GON4L: variants seen among roughly 807,000 people sequenced by gnomAD.
GON4L encodes the protein gon-4 like, also known as GON-4-like protein.
In GON4L, 87 loss-of-function variants were observed where a neutral mutation model predicts 211.8. That is an observed-to-expected ratio of 0.41 (90% confidence interval 0.35 to 0.49). GON4L has a LOEUF of 0.49. Ranked by LOEUF, GON4L falls within the 20% of genes least tolerant of loss-of-function variation. The probability of loss-of-function intolerance (pLI) is 0.15; values close to 1 mark genes in which losing one functional copy is unlikely to be tolerated. For missense variants in GON4L, 2,155 were observed against 2,659.5 expected (o/e 0.81, Z 4.17); for synonymous variants, 875 against 962.6 (o/e 0.91, Z 1.68).
At chr1:155,753,650 G>A (rs542737352) in intron 28 of GON4L, among the ~76,000 whole-genome samples, 1 of 152,104 alleles carries the variant, frequency 6.6e-6, no homozygotes, top group African/African-American at 2.4e-5. Flanking sequence ...GATCAGCCTG[G>A]GTAACATAGT....
At chr1:155,785,026 G>T in intron 13 of GON4L, 1 of 413,564 alleles carries the variant, frequency 2.4e-6, no homozygotes, top group East Asian at 5.8e-5. Context: ...CTTGAGCCTA[G>T]AAGGTCAAGG....
chr1:155,821,390 A>G, intron 5 of GON4L, 84 bp downstream of exon 5: 1 of 828,082 alleles, frequency 1.2e-6, no homozygotes, highest in East Asian at 2.5e-5. Context: ...ACTGTTTACA[A>G]ACTCCTAAGT....
chr1:155,827,684 A>T (rs1430248862), intron 2 of GON4L, among the ~76,000 whole-genome samples: 4 of 45,014 alleles, frequency 8.9e-5, no homozygotes, highest in South Asian at 1.7e-3. Context: ...AGACCCCGTC[A>T]CACACACACA....
chr1:155,819,724 GAAGGATATAGCACAGCTCCAAGCACCA>G (rs1437584884), intron 6 of GON4L, among the ~76,000 whole-genome samples: 1 of 152,198 alleles, frequency 6.6e-6, no homozygotes, highest in Non-Finnish European at 1.5e-5. Context: ...TGCTTATTAA[GAAGGATATAGCACAGCTCCAAGCACCA>G]AAGAGCTTGC....
In GON4L at chr1:155,847,776, G is replaced by T. The variant is rs143364900; in HGVS notation, c.505+5500C>A. On this transcript the variant is annotated intron_variant, in intron 2 of 31. Coordinates refer to ENST00000368331, the MANE Select transcript of GON4L (RefSeq NM_001282860.2). ...GTAGTCCCAGGTACTCGAAAGGCTG[G>T]GGTAGGAGAATCCCTTGAACCCAGG... 1.9e-3 allele frequency among the ~76,000 whole-genome samples: 285 copies of T among 152,156 alleles called. 1 individual carries two copies. Among genetic ancestry groups the T allele is most frequent in the African/African-American group, 6.6e-3 (275 of 41,532 alleles).
At chr1:155,749,393 G>T (rs1468971106), downstream of GON4L, 2 of 1,607,902 alleles carry the variant, frequency 1.2e-6, no homozygotes, top group East Asian at 4.5e-5. Flanking sequence ...AAGAAATCTT[G>T]GCTCAGTATT....
rs488349 is a variant in GON4L at position 155,767,356 on chromosome 1, C to T, written c.2763+69G>A. ...CTAAAGCATTAGACGATTAAGGAAGCCCTTGATATTCTCTCAGAACTTTCA... is the reference window on the plus strand; with the variant it reads ...CTAAAGCATTAGACGATTAAGGAAGTCCTTGATATTCTCTCAGAACTTTCA... On this transcript the variant is annotated intron_variant, in intron 20 of 31. Transcript: ENST00000368331. 4.6e-3 allele frequency: 7,469 copies of T among 1,612,506 alleles called. 22 individuals carry two copies. The highest frequency in any genetic ancestry group is 5.7e-3 in the Non-Finnish European group (6,681 of 1,178,670).
intron 17 of GON4L, among the ~76,000 whole-genome samples, chr1:155,773,824 A>G (rs1663474529): frequency 6.6e-6 from 1 of 152,198 alleles, no homozygotes; most frequent in Admixed American, 6.6e-5. Context: ...TTCTCCTTCC[A>G]TAAGTGTTAT....
At chr1:155,777,876 T>C (rs746524707) in intron 14 of GON4L, 56 bp from the exon 15 acceptor site, 11 of 964,062 alleles carry the variant, frequency 1.1e-5, no homozygotes, top group Admixed American at 1.7e-5. Flanking sequence ...CCACAACACA[T>C]CCAATTCGTT....
chr1:155,792,128 G>A (rs1009030394), intron 12 of GON4L, among the ~76,000 whole-genome samples: 2 of 151,990 alleles, frequency 1.3e-5, no homozygotes, highest in African/African-American at 4.8e-5. Flanking sequence ...GTCACTGAAG[G>A]TATACAAACA....
At position 155,760,599 on chromosome 1, in the gene GON4L, A is replaced by T. The variant is rs926267078; in HGVS notation, c.4954T>A (p.Phe1652Ile). The change falls in exon 24 of 32, where the codon TTC becomes ATC. Residue 1652 changes from phenylalanine (F) to isoleucine (I), a missense_variant. Phe to Ile is a conservative substitution (Grantham distance 21). Transcript: ENST00000368331. ...TCAAATTCATAGATGACTTGAAGGA[A>T]GTCTTCATACTTGCCAGGGATATGT... ...LQHIPGKYED[F>I]LQVIYEFESS... 4 of 1,613,500 alleles carry T rather than the reference A, an allele frequency of 2.5e-6. No homozygotes were observed. The highest frequency in any genetic ancestry group is 3.4e-6 in the Non-Finnish European group (4 of 1,179,552).
Position 155,762,190 on chromosome 1 carries a change from C to A in GON4L, c.4911G>T (p.Arg1637Ser), listed in dbSNP as rs1443807155. Residue 1637 changes from arginine to serine, a missense_variant and splice_region_variant, in exon 23 of 32, where the codon AGG (arginine) becomes AGT (serine). Coordinates refer to ENST00000368331, the MANE Select transcript of GON4L (RefSeq NM_001282860.2). ...ATAACAGGAAGCAGCATTTGCCTAC[C>A]CTGGTCAGATAAGCTTGGGCAAAGG... ...DLAFAQAYLT[R>S]VREALQHIPG... is the part of the protein sequence containing the mutation. The A allele has an allele frequency of 6.2e-7, 1 of 1,603,290 alleles. No homozygotes were observed. Among genetic ancestry groups the A allele is most frequent in the Non-Finnish European group, 8.5e-7 (1 of 1,174,772 alleles).
At chr1:155,837,104 T>C (rs907122881) in intron 2 of GON4L, among the ~76,000 whole-genome samples, 1 of 152,150 alleles carries the variant, frequency 6.6e-6, no homozygotes, top group Non-Finnish European at 1.5e-5. Context: ...TTCCTTACTC[T>C]GTCATTCCAT....
intron 2 of GON4L, among the ~76,000 whole-genome samples, chr1:155,833,681 AAGGGG>A (rs1670010123): frequency 8.3e-6 from 1 of 120,662 alleles, no homozygotes; most frequent in Non-Finnish European, 1.7e-5. Flanking sequence ...AAAGGGAAGG[AAGGGG>A]AGGGGAGGTG....
At chr1:155,830,863 G>A (rs1669695993) in intron 2 of GON4L, among the ~76,000 whole-genome samples, 1 of 152,146 alleles carries the variant, frequency 6.6e-6, no homozygotes, top group Non-Finnish European at 1.5e-5. Context: ...ACAGGGATAG[G>A]TGTGAACCAC....
chr1:155,751,246 G>T (rs566168014), intron 31 of GON4L, among the ~76,000 whole-genome samples: 1 of 152,240 alleles, frequency 6.6e-6, no homozygotes, highest in East Asian at 1.9e-4. Flanking sequence ...AATGGAAACT[G>T]GGGCTTCCAC....
chr1:155,770,023 TAAAAAAAAAAAAAAAAAA>T (rs59380170), intron 19 of GON4L, among the ~76,000 whole-genome samples: 10 of 43,692 alleles, frequency 2.3e-4, no homozygotes, highest in African/African-American at 2.5e-4. Flanking sequence ...CTCCATTTCT[TAAAAAAAAAAAAAAAAAA>T]AAAAAAAAAA....
intron 2 of GON4L, among the ~76,000 whole-genome samples, chr1:155,844,782 C>CA (rs1045659552): frequency 9.2e-5 from 14 of 151,778 alleles, no homozygotes; most frequent in African/African-American, 3.1e-4. Flanking sequence ...ATAACAACAA[C>CA]AAAAAAAACC....
downstream of GON4L, chr1:155,745,773 G>C: frequency 1.2e-6 from 1 of 837,416 alleles, no homozygotes; most frequent in Non-Finnish European, 1.9e-6. Flanking sequence ...AAGCCAATCG[G>C]CTAGGAGCAG....
Sources: allele counts gnomAD v4.1 joint callset (sites outside exome capture counted in the v4.1 genomes callset), GRCh38; gene constraint gnomAD v4.1.1; transcripts MANE v1.5; gene names NCBI Gene and HGNC (gene_info 2026-07-23, HGNC 2026-07-21).